Variants in KDM2A observed in about 807,000 individuals in gnomAD.
KDM2A encodes the protein lysine demethylase 2A.
KDM2A carries 3 observed loss-of-function variants against 137.3 expected under a neutral mutation model. The ratio of observed to expected loss-of-function variants is 0.02; its 90% CI spans 0.01 to 0.06. The LOEUF (loss-of-function observed/expected upper bound fraction) is 0.06. Ranked by LOEUF, KDM2A falls within the 10% of genes least tolerant of loss-of-function variation. The pLI, the probability that KDM2A is intolerant of heterozygous loss-of-function variation, is 1.00. For synonymous variants in KDM2A, 512 were observed against 541.5 expected (o/e 0.95, Z 0.76); for missense variants, 738 against 1,510.6 (o/e 0.49, Z 8.48).
intron 12 of KDM2A, among the ~76,000 whole-genome samples, chr11:67,234,799 G>T (rs1240894275): frequency 6.6e-6 from 1 of 152,212 alleles, no homozygotes; most frequent in Non-Finnish European, 1.5e-5. Context: ...GCTTCACTGA[G>T]CTGTGATCTC....
At chr11:67,212,485 GA>G (rs1858024235) in intron 6 of KDM2A, among the ~76,000 whole-genome samples, 1 of 152,160 alleles carries the variant, frequency 6.6e-6, no homozygotes, top group South Asian at 2.1e-4. Flanking sequence ...TGGTGATGGG[GA>G]AATAAGTTCA....
Position 67,171,088 on chromosome 11 carries a change from A to G in KDM2A, c.43-8991A>G, listed in dbSNP as rs549859490. ...TAGTGCTTGTTACAGTACCTGGCAC[A>G]TGGTAGGTACTTAAACATTTAGACT... is the stretch of plus-strand genomic sequence containing the variant. On this transcript the variant is annotated intron_variant, in intron 2 of 20. Coordinates refer to ENST00000529006, the MANE Select transcript of KDM2A (RefSeq NM_012308.3). Among the ~76,000 whole-genome samples, 5 of 152,316 alleles carry G rather than the reference A, an allele frequency of 3.3e-5. No homozygotes were observed. In the South Asian group the frequency reaches 1.0e-3, roughly 32 times the overall value.
chr11:67,223,591 G>T (rs905421342), intron 10 of KDM2A, among the ~76,000 whole-genome samples: 1 of 151,672 alleles, frequency 6.6e-6, no homozygotes, highest in Non-Finnish European at 1.5e-5. Flanking sequence ...TTATTTTTTT[G>T]TAGAAACGAG....
intron 6 of KDM2A, among the ~76,000 whole-genome samples, chr11:67,211,240 A>G (rs907343451): frequency 1.3e-5 from 2 of 152,104 alleles, no homozygotes; most frequent in Non-Finnish European, 2.9e-5. Flanking sequence ...TGTTCAGTAA[A>G]GTGGACCCCC....
At chr11:67,155,022 T>G (rs964267089) in intron 2 of KDM2A, among the ~76,000 whole-genome samples, 1 of 152,140 alleles carries the variant, frequency 6.6e-6, no homozygotes, top group Admixed American at 6.5e-5. Context: ...TTCTTTTGTT[T>G]TTTGTTTGTT....
chr11:67,154,984 G>C (rs951638554), intron 2 of KDM2A, among the ~76,000 whole-genome samples: 16 of 152,126 alleles, frequency 1.1e-4, no homozygotes, highest in African/African-American at 3.9e-4. Flanking sequence ...CAGCATTTGT[G>C]TGTAAATATT....
intron 6 of KDM2A, among the ~76,000 whole-genome samples, chr11:67,213,653 A>G (rs1590791768): frequency 1.3e-5 from 2 of 151,330 alleles, no homozygotes; most frequent in South Asian, 2.1e-4. Context: ...CAGCTACTCA[A>G]GAGGCTGAGG....
chr11:67,124,834 C>A (rs988565397), intron 2 of KDM2A, among the ~76,000 whole-genome samples: 2 of 151,118 alleles, frequency 1.3e-5, no homozygotes, highest in African/African-American at 4.9e-5. Flanking sequence ...GACACATCAT[C>A]TATTTGGAGA....
At chr11:67,230,087 A>G (rs1256298556) in intron 11 of KDM2A, among the ~76,000 whole-genome samples, 1 of 151,226 alleles carries the variant, frequency 6.6e-6, no homozygotes, top group Non-Finnish European at 1.5e-5. Context: ...GAGGCAGAAG[A>G]ATGGCGTGAA....
chr11:67,180,131 T>C lies in KDM2A; in HGVS notation c.95T>C (p.Ile32Thr). Reference sequence around the variant, plus strand: ...GATGATGGCATTTCAGATGATGAAATTGAAGGAAAAAGAACTTTTGACTTG... The same window carrying C: ...GATGATGGCATTTCAGATGATGAAACTGAAGGAAAAAGAACTTTTGACTTG... ...YEDDGISDDE[I>T]EGKRTFDLEE... The change falls in exon 3 of 21, where the codon ATT (isoleucine) becomes ACT (threonine). Residue 32 changes from isoleucine (I) to threonine (T), a missense_variant. By Grantham distance (89) the Ile-to-Thr change is moderately conservative (BLOSUM62 -1). Around this residue, in one of 9 missense-constraint regions of KDM2A, gnomAD observed 74 missense variants for 181.8 expected, o/e 0.41. Coordinates refer to ENST00000529006, the MANE Select transcript of KDM2A (RefSeq NM_012308.3). 2 of 1,613,872 alleles carry C rather than the reference T, an allele frequency of 1.2e-6. No homozygotes were observed. Among genetic ancestry groups the C allele is most frequent in the Non-Finnish European group, 1.7e-6 (2 of 1,179,846 alleles).
intron 5 of KDM2A, chr11:67,197,241 A>C (rs1376873397): frequency 6.6e-6 from 1 of 150,596 alleles, no homozygotes; most frequent in African/African-American, 2.4e-5. Context: ...TGGGGCAATC[A>C]TGCCTCCCTG....
At position 67,254,319 on chromosome 11, in the gene KDM2A, G is replaced by A; in HGVS notation, c.3208G>A (p.Asp1070Asn). ...CCACATGCCCCTCCTGTCTCGACTC[G>A]ACCTCAGTCACTGCAGCCACCTTAC... is the stretch of plus-strand genomic sequence containing the variant. ...IRHMPLLSRLDLSHCSHLTDQ... is the reference protein window; with the variant it reads ...IRHMPLLSRLNLSHCSHLTDQ... Residue 1070 changes from aspartate to asparagine, a missense_variant, in exon 20 of 21, where the codon GAC becomes AAC. This residue lies in a region of KDM2A where 166 missense variants were observed against 324.0 expected (regional missense o/e 0.51). Transcript: ENST00000529006. This position sits in a 1 kb window ranked among gnomAD's most constrained non-coding sequence, Gnocchi z 4.7. 6.2e-7 allele frequency: 1 copy of A among 1,613,898 alleles called. No homozygotes were observed. Among genetic ancestry groups the A allele is most frequent in the Non-Finnish European group, 8.5e-7 (1 of 1,179,886 alleles).
Position 67,255,147 on chromosome 11 carries a change from C to G in KDM2A, c.*92C>G. 8.9e-7 allele frequency: 1 copy of G among 1,123,026 alleles called. No homozygotes were observed. Among genetic ancestry groups the G allele is most frequent in the South Asian group, 1.5e-5 (1 of 68,468 alleles). The allele number at this position is 1,123,026 out of a possible 1,614,324, so 69.6% of individuals were successfully genotyped here. ...CCTCGACCCTGCACGGGCTCTGAGG[C>G]CAGCGTCACACTCCCTCTCTGCTCT... On this transcript the variant is annotated 3_prime_UTR_variant, in exon 21 of 21. Coordinates refer to ENST00000529006, the MANE Select transcript of KDM2A (RefSeq NM_012308.3).
In KDM2A at chr11:67,252,800, C is replaced by T; in HGVS notation, c.2875C>T (p.Leu959Phe). ...CAAGAGGCAGCCAGTCAGCCTTGAC[C>T]TCAGTTGGACCAACATCTCTAAAAA... ...IIKRQPVSLD[L>F]SWTNISKKQL... Residue 959 changes from leucine to phenylalanine, a missense_variant, in exon 18 of 21, where the codon CTC becomes TTC. By Grantham distance (22) the Leu-to-Phe change is conservative. Coordinates refer to ENST00000529006, the MANE Select transcript of KDM2A (RefSeq NM_012308.3). 2 of 1,613,916 alleles carry T rather than the reference C, an allele frequency of 1.2e-6. No individual in the cohort carries two copies. The highest frequency in any genetic ancestry group is 2.2e-5 in the East Asian group (1 of 44,882).
chr11:67,172,111 T>C (rs1419107942), intron 2 of KDM2A, among the ~76,000 whole-genome samples: 16 of 152,048 alleles, frequency 1.1e-4, no homozygotes, highest in Admixed American at 1.0e-3. Flanking sequence ...TACCTCAGCC[T>C]CCTGTGGAGT....
In KDM2A at chr11:67,250,845, T is replaced by C. The variant is rs1379643708; in HGVS notation, c.2768+47T>C. On this transcript the variant is annotated intron_variant, in intron 17 of 20. Transcript: ENST00000529006. The surrounding 1 kb of genome is among the most constrained non-coding windows in gnomAD (Gnocchi z 7.1). Reference sequence around the variant, plus strand: ...CAGGAATTAGGGGTATGGGAGTAGGTGGCAGGTTTTCCATATGAGAACAGC... The same window carrying C: ...CAGGAATTAGGGGTATGGGAGTAGGCGGCAGGTTTTCCATATGAGAACAGC... 1 of 1,419,702 alleles carries C rather than the reference T, an allele frequency of 7.0e-7. No homozygotes were observed. Among genetic ancestry groups the C allele is most frequent in the African/African-American group, 1.4e-5 (1 of 69,726 alleles). 87.9% of individuals were successfully genotyped at this position (1,419,702 alleles called of 1,614,324 possible).
At chr11:67,158,352 A>T (rs957719847) in intron 2 of KDM2A, among the ~76,000 whole-genome samples, 1 of 152,228 alleles carries the variant, frequency 6.6e-6, no homozygotes. Flanking sequence ...GATTGCTTCC[A>T]GGTTTTGGCA....
At chr11:67,187,873 C>T (rs1374671350) in intron 5 of KDM2A, among the ~76,000 whole-genome samples, 2 of 152,108 alleles carry the variant, frequency 1.3e-5, no homozygotes, top group African/African-American at 4.8e-5. Context: ...TGGCACCGGG[C>T]CCTAAAACAG....
intron 2 of KDM2A, among the ~76,000 whole-genome samples, chr11:67,179,534 C>T (rs1857042574): frequency 6.6e-6 from 1 of 152,228 alleles, no homozygotes; most frequent in Admixed American, 6.5e-5. Context: ...CCTGCCTCTG[C>T]TTCCCAAAGT....
Sources: allele counts gnomAD v4.1 joint callset (sites outside exome capture counted in the v4.1 genomes callset), GRCh38; gene constraint gnomAD v4.1.1; regional missense constraint gnomAD v4.1.1; non-coding constraint Gnocchi (gnomAD v3.1); transcripts MANE v1.5; gene names NCBI Gene and HGNC (gene_info 2026-07-23, HGNC 2026-07-21).